NBEA: variants seen among roughly 807,000 people sequenced by gnomAD.
The protein encoded by NBEA is neurobeachin, also known as lysosomal-trafficking regulator 2.
A neutral mutation model predicts 343.4 loss-of-function variants in NBEA; 44 were observed. The ratio of observed to expected loss-of-function variants is 0.13; its 90% CI spans 0.10 to 0.16. NBEA has a LOEUF of 0.16. Among genes scored for constraint, NBEA ranks in the 10% least tolerant of loss-of-function variants. NBEA has a pLI of 1.00. For missense variants in NBEA, 2,555 were observed against 3,631.3 expected (o/e 0.70, Z 7.62); for synonymous variants, 1,175 against 1,238.7 (o/e 0.95, Z 1.08).
chr13:35,562,054 G>C (rs2079881523), intron 44 of NBEA, among the ~76,000 whole-genome samples: 2 of 151,990 alleles, frequency 1.3e-5, no homozygotes, highest in African/African-American at 4.8e-5. Flanking sequence ...TTCTCTGTGT[G>C]TGGTGTGTCA....
At chr13:35,567,793 G>A (rs192202699) in intron 45 of NBEA, among the ~76,000 whole-genome samples, 355 of 152,284 alleles carry the variant, frequency 2.3e-3, no homozygotes, top group Non-Finnish European at 4.2e-3. Context: ...TTTGGTTTTA[G>A]GGGGCAGGTT....
chr13:35,626,045 G>T (rs2153064149), intron 48 of NBEA, among the ~76,000 whole-genome samples: 1 of 152,298 alleles, frequency 6.6e-6, no homozygotes, highest in South Asian at 2.1e-4. Flanking sequence ...AGGTAGCCTG[G>T]TGTTTGTTAC....
intron 6 of NBEA, 130 bp from the exon 7 acceptor site, chr13:35,055,880 C>A: frequency 1.7e-6 from 1 of 574,008 alleles, no homozygotes; most frequent in Non-Finnish European, 2.6e-6. Context: ...GGAACTTGAT[C>A]AAGTGGTATT....
At chr13:35,179,836 C>T (rs745429156) in intron 28 of NBEA, 39 of 966,638 alleles carry the variant, frequency 4.0e-5, no homozygotes, top group Non-Finnish European at 4.6e-5. Flanking sequence ...CTTCATTTTC[C>T]TTTGTAATAA....
At chr13:35,007,516 G>A (rs1276975232) in intron 1 of NBEA, among the ~76,000 whole-genome samples, 1 of 151,994 alleles carries the variant, frequency 6.6e-6, no homozygotes, top group African/African-American at 2.4e-5. Flanking sequence ...TTTTTGAACT[G>A]GGTCTCATTC....
intron 38 of NBEA, among the ~76,000 whole-genome samples, chr13:35,387,754 G>A (rs555045706): frequency 2.6e-5 from 4 of 152,222 alleles, no homozygotes; most frequent in African/African-American, 9.6e-5. Context: ...AATGCATGGT[G>A]TATTGATCTA....
chr13:35,267,343 A>G (rs1693801737), intron 34 of NBEA, among the ~76,000 whole-genome samples: 1 of 151,988 alleles, frequency 6.6e-6, no homozygotes, highest in African/African-American at 2.4e-5. Context: ...CAATGTGTAT[A>G]TACTTCCAAA....
chr13:35,124,661 T>C (rs1566324167), intron 17 of NBEA, among the ~76,000 whole-genome samples: 1 of 148,518 alleles, frequency 6.7e-6, no homozygotes, highest in African/African-American at 2.5e-5. Flanking sequence ...TACACACACA[T>C]ATATGTGGAT....
chr13:35,003,679 A>G (rs1053593064), intron 1 of NBEA, among the ~76,000 whole-genome samples: 1 of 152,192 alleles, frequency 6.6e-6, no homozygotes, highest in Admixed American at 6.6e-5. Flanking sequence ...GTTTGGGAAC[A>G]TTACACTCTG....
intron 1 of NBEA, among the ~76,000 whole-genome samples, chr13:35,026,558 G>A (rs2062026483): frequency 6.6e-6 from 1 of 152,038 alleles, no homozygotes; most frequent in African/African-American, 2.4e-5. Flanking sequence ...TTATTGGACT[G>A]CTATTGTACT....
chr13:35,321,686 C>A (rs1408743285), intron 36 of NBEA, among the ~76,000 whole-genome samples: 1 of 152,290 alleles, frequency 6.6e-6, no homozygotes, highest in East Asian at 1.9e-4. Flanking sequence ...TCTGCTGAAG[C>A]TGCACCCACA....
At chr13:35,583,267 G>A (rs570556651) in intron 45 of NBEA, among the ~76,000 whole-genome samples, 10 of 152,290 alleles carry the variant, frequency 6.6e-5, no homozygotes, top group African/African-American at 2.2e-4. Flanking sequence ...AGTAAATAGG[G>A]TGGTGGTACT....
At chr13:35,002,083 C>A (rs2061160747) in intron 1 of NBEA, among the ~76,000 whole-genome samples, 2 of 152,080 alleles carry the variant, frequency 1.3e-5, no homozygotes, top group South Asian at 2.1e-4. Flanking sequence ...ATTCTAAGAT[C>A]TGAGGAAACC....
intron 10 of NBEA, among the ~76,000 whole-genome samples, chr13:35,084,025 A>C (rs1381887692): frequency 6.6e-6 from 1 of 152,198 alleles, no homozygotes; most frequent in Non-Finnish European, 1.5e-5. Flanking sequence ...AGAAGAGCTA[A>C]CTGTCCTAAA....
chr13:35,174,375 T>C (rs1044805706), intron 27 of NBEA, among the ~76,000 whole-genome samples: 2 of 152,154 alleles, frequency 1.3e-5, no homozygotes, highest in Non-Finnish European at 2.9e-5. Flanking sequence ...TTCTGTTTGT[T>C]GTTTTCATAA....
intron 34 of NBEA, among the ~76,000 whole-genome samples, chr13:35,238,940 C>T (rs1217178712): frequency 6.6e-6 from 1 of 152,046 alleles, no homozygotes; most frequent in Non-Finnish European, 1.5e-5. Context: ...AGTCAAGAAG[C>T]TCCATATCAT....
intron 1 of NBEA, among the ~76,000 whole-genome samples, chr13:35,039,876 A>G (rs1465763618): frequency 6.6e-6 from 1 of 152,128 alleles, no homozygotes; most frequent in Non-Finnish European, 1.5e-5. Context: ...CATGCTTTAT[A>G]TAACTTTTAG....
intron 38 of NBEA, among the ~76,000 whole-genome samples, chr13:35,422,980 T>C (rs2044396686): frequency 1.3e-5 from 2 of 151,958 alleles, no homozygotes; most frequent in African/African-American, 4.8e-5. Flanking sequence ...CCTTCGCCCA[T>C]TTGTTGATGG....
chr13:35,296,834 A>G (rs975615300), intron 35 of NBEA, among the ~76,000 whole-genome samples: 22 of 152,146 alleles, frequency 1.4e-4, no homozygotes, highest in Middle Eastern at 3.4e-3. Context: ...ATATTTCAAT[A>G]TGCTTTATTT....
Sources: gnomAD v4.1 joint callset for allele counts (sites outside exome capture counted in the v4.1 genomes callset) on GRCh38, gnomAD v4.1.1 for gene constraint, MANE v1.5 for transcripts, NCBI Gene and HGNC (gene_info 2026-07-23, HGNC 2026-07-21) for gene names.